Variants in ZFHX3 observed in about 807,000 individuals in gnomAD.
ZFHX3 encodes zinc finger homeobox protein 3.
A neutral mutation model predicts 279.1 loss-of-function variants in ZFHX3; 42 were observed. The observed-to-expected ratio is 0.15, with a 90% confidence interval of 0.12 to 0.19. The LOEUF (loss-of-function observed/expected upper bound fraction) is 0.19, where lower values mean the gene tolerates loss of function less well. Ranked by LOEUF, ZFHX3 falls within the 10% of genes least tolerant of loss-of-function variation. ZFHX3 has a pLI of 1.00. For synonymous variants in ZFHX3, 2,293 were observed against 1,957.8 expected, an observed-to-expected ratio of 1.17 and a Z score of -4.52; for missense variants, 4,981 against 4,754.0, an observed-to-expected ratio of 1.05 and a Z score of -1.40.
chr16:72,995,528 C>A (rs906891094), intron 1 of ZFHX3, among the ~76,000 whole-genome samples: 3 of 152,222 alleles, frequency 2.0e-5, no homozygotes, highest in African/African-American at 7.2e-5. Context: ...ATCACAACTA[C>A]AACTACAGCG....
chr16:73,883,382 G>A (rs560356397), intron 1 of ZFHX3, among the ~76,000 whole-genome samples: 35 of 148,298 alleles, frequency 2.4e-4, no homozygotes, highest in African/African-American at 8.2e-4. Flanking sequence ...AAACACAGTA[G>A]CACATAAGCC....
At chr16:73,735,548 C>T (rs1319612210) in intron 1 of ZFHX3, among the ~76,000 whole-genome samples, 2 of 152,052 alleles carry the variant, frequency 1.3e-5, no homozygotes, top group African/African-American at 4.8e-5. Flanking sequence ...ACACAGCCCT[C>T]TCTCACTCTC....
intron 5 of ZFHX3, among the ~76,000 whole-genome samples, chr16:72,822,971 G>C (rs534660692): frequency 7.5e-4 from 114 of 152,188 alleles, no homozygotes; most frequent in African/African-American, 2.7e-3. Context: ...ACCACAGCCT[G>C]TATCTATTTT....
Position 72,922,464 on chromosome 16 carries a change from G to T in ZFHX3, c.3216+28005C>A, listed in dbSNP as rs191015397. On this transcript the variant is annotated intron_variant, in intron 3 of 9. Transcript: ENST00000268489. ...ATGCCAGTGTCAAGAGGGAGGTGTG[G>T]CAATGAAGAGGACAAATCCTTACCT... Among the ~76,000 whole-genome samples, 313 of 152,232 alleles carry T rather than the reference G, an allele frequency of 2.1e-3. 1 individual carries two copies. The highest frequency in any genetic ancestry group is 7.4e-3 in the African/African-American group (306 of 41,546).
Position 72,906,118 on chromosome 16 carries a change from C to T in ZFHX3, c.3217-16156G>A, listed in dbSNP as rs566236238. On this transcript the variant is annotated intron_variant, in intron 3 of 9. Coordinates refer to ENST00000268489, the MANE Select transcript of ZFHX3 (RefSeq NM_006885.4). ...GGCCAACCCCCCGATAAGATCCCTC[C>T]CGGGACATCCAAGCAATTCGATCCA... Among the ~76,000 whole-genome samples the T allele has an allele frequency of 1.2e-3, 186 of 152,122 alleles. 2 individuals are homozygous for T. The Middle Eastern group carries it at 0.02, about 17-fold the overall frequency.
At chr16:72,867,966 A>G (rs1597327024) in intron 4 of ZFHX3, among the ~76,000 whole-genome samples, 1 of 152,226 alleles carries the variant, frequency 6.6e-6, no homozygotes, top group East Asian at 1.9e-4. Flanking sequence ...GATGGCGCCC[A>G]AGGAAGCATG....
chr16:72,899,362 C>T (rs1224568188), intron 3 of ZFHX3, among the ~76,000 whole-genome samples: 1 of 152,160 alleles, frequency 6.6e-6, no homozygotes, highest in Non-Finnish European at 1.5e-5. Flanking sequence ...CCCACTCCTT[C>T]ACTCTGCACT....
chr16:73,528,643 C>T (rs2019736872), intron 2 of ZFHX3, among the ~76,000 whole-genome samples: 1 of 152,164 alleles, frequency 6.6e-6, no homozygotes, highest in South Asian at 2.1e-4. Flanking sequence ...TTGAAGAAAG[C>T]CTGGAAATAT....
intron 4 of ZFHX3, among the ~76,000 whole-genome samples, chr16:72,841,988 G>A (rs745921037): frequency 3.3e-5 from 5 of 152,158 alleles, no homozygotes; most frequent in South Asian, 2.1e-4. Flanking sequence ...ATCAGGGATC[G>A]GGCAGAAGGT....
chr16:72,792,710 A>G (rs1289742304), intron 9 of ZFHX3, among the ~76,000 whole-genome samples: 1 of 152,146 alleles, frequency 6.6e-6, no homozygotes, highest in Non-Finnish European at 1.5e-5. Flanking sequence ...TCGGCCTCCC[A>G]AAGTGCTGGG....
chr16:73,629,773 C>A (rs2052450963), intron 2 of ZFHX3, among the ~76,000 whole-genome samples: 1 of 152,132 alleles, frequency 6.6e-6, no homozygotes, highest in South Asian at 2.1e-4. Flanking sequence ...ACACTTTTCT[C>A]CTCTAGCTTG....
intron 5 of ZFHX3, among the ~76,000 whole-genome samples, chr16:73,228,035 T>C (rs576487886): frequency 6.6e-6 from 1 of 152,222 alleles, no homozygotes; most frequent in Non-Finnish European, 1.5e-5. Flanking sequence ...ATTTTAAAGA[T>C]AAGGAGAATG....
rs889245829 is a variant in ZFHX3, at chr16:73,887,334, T to C, written c.-1608+4317A>G. On this transcript the variant is annotated intron_variant, in intron 1 of 17. Transcript: ENST00000641206. ...TCTAGTCTTAATAGTATGGTGACCA[T>C]TCTAAAATGGCCTGTGCTCCAAAGA... Among the ~76,000 whole-genome samples, 7 of 152,156 alleles carry C rather than the reference T, an allele frequency of 4.6e-5. No homozygotes were observed. In the East Asian group the frequency reaches 9.6e-4, roughly 21 times the overall value.
chr16:73,846,510 GTC>G (rs142694073), intron 1 of ZFHX3, among the ~76,000 whole-genome samples: 1 of 152,158 alleles, frequency 6.6e-6, no homozygotes, highest in Non-Finnish European at 1.5e-5. Flanking sequence ...AATCTTGGCT[GTC>G]TCTCTTCAAG....
rs1471018223 is a variant in ZFHX3 at position 73,429,257 on chromosome 16, A to C, written c.-1291+26746T>G. On this transcript the variant is annotated intron_variant, in intron 3 of 17. Transcript: ENST00000641206. ...TAGGAGAGTGAAGCCGATAGAGTCC[A>C]GCCTTCCCCCATGCCCAAGGGGACA... Among the ~76,000 whole-genome samples, 4 of 152,198 alleles carry C rather than the reference A, an allele frequency of 2.6e-5. No individual in the cohort carries two copies. In the East Asian group the frequency reaches 7.7e-4, roughly 29 times the overall value.
chr16:73,262,436 C>T (rs2013852063), intron 4 of ZFHX3, among the ~76,000 whole-genome samples: 1 of 152,208 alleles, frequency 6.6e-6, no homozygotes, highest in Non-Finnish European at 1.5e-5. Flanking sequence ...TCCAACTCTG[C>T]CACACTAGTT....
intron 2 of ZFHX3, among the ~76,000 whole-genome samples, chr16:73,523,241 C>T (rs1008426346): frequency 6.6e-6 from 1 of 152,164 alleles, no homozygotes; most frequent in Non-Finnish European, 1.5e-5. Context: ...AATAAACACA[C>T]GAAAGCTCTT....
chr16:72,799,200 C>A (rs924865784), intron 8 of ZFHX3, among the ~76,000 whole-genome samples: 1 of 152,164 alleles, frequency 6.6e-6, no homozygotes, highest in Non-Finnish European at 1.5e-5. Context: ...TGCTGAACAT[C>A]GTAATATAAG....
intron 2 of ZFHX3, among the ~76,000 whole-genome samples, chr16:73,482,519 G>A (rs558304132): frequency 6.6e-6 from 1 of 152,100 alleles, no homozygotes; most frequent in Non-Finnish European, 1.5e-5. Context: ...AAAGCATCTT[G>A]CATTTGGCCA....
Sources: gnomAD v4.1 joint callset for allele counts (sites outside exome capture counted in the v4.1 genomes callset) on GRCh38, gnomAD v4.1.1 for gene constraint, MANE v1.5 for transcripts, NCBI Gene and HGNC (gene_info 2026-07-23, HGNC 2026-07-21) for gene names.